Variants in PTPRQ observed in about 807,000 individuals in gnomAD.
PTPRQ encodes phosphatidylinositol phosphatase PTPRQ.
Under a neutral mutation model 246.0 loss-of-function variants are expected in PTPRQ, and 199 were observed. The observed-to-expected ratio is 0.81, with a 90% CI of 0.72 to 0.91. The LOEUF is 0.91. Ranked by LOEUF, PTPRQ falls within the 40% of genes least tolerant of loss-of-function variation. The probability of loss-of-function intolerance (pLI) is 0.00; values close to 1 mark genes in which losing one functional copy is unlikely to be tolerated. For synonymous variants in PTPRQ, 869 were observed against 853.2 expected, an observed-to-expected ratio of 1.02 and a Z score of -0.32; for missense variants, 2,624 against 2,528.4, an observed-to-expected ratio of 1.04 and a Z score of -0.81.
At chr12:80,649,739 T>C (rs758905049) in intron 37 of PTPRQ, 70 bp downstream of exon 37, 37 of 1,481,678 alleles carry the variant, frequency 2.5e-5, no homozygotes, top group Non-Finnish European at 3.1e-5. Context: ...TTCATGTCCA[T>C]TTTAAGCAAG....
At chr12:80,617,890 A>C (rs1554842) in intron 30 of PTPRQ, among the ~76,000 whole-genome samples, 52,357 of 151,102 alleles carry the variant, frequency 0.35, 9,639 homozygotes, top group African/African-American at 0.46. Context: ...GGGGACTCCC[A>C]AGTGGCCTGG....
chr12:80,505,747 A>T (rs909467126), intron 14 of PTPRQ, among the ~76,000 whole-genome samples: 1 of 151,918 alleles, frequency 6.6e-6, no homozygotes, highest in South Asian at 2.1e-4. Context: ...TCAGTGCAAG[A>T]TATGTTCCTA....
At chr12:80,503,040 A>G (rs376349122) in intron 14 of PTPRQ, among the ~76,000 whole-genome samples, 29 of 151,766 alleles carry the variant, frequency 1.9e-4, no homozygotes, top group Non-Finnish European at 3.2e-4. Context: ...ACGTGATGGT[A>G]TCTAATGGAA....
chr12:80,570,662 C>G (rs777968426), intron 25 of PTPRQ, among the ~76,000 whole-genome samples: 1 of 152,108 alleles, frequency 6.6e-6, no homozygotes, highest in Non-Finnish European at 1.5e-5. Context: ...TTTGCCCATG[C>G]CTATGTCCTG....
intron 3 of PTPRQ, among the ~76,000 whole-genome samples, chr12:80,455,714 C>T (rs1892958055): frequency 1.3e-5 from 2 of 152,022 alleles, no homozygotes; most frequent in Non-Finnish European, 2.9e-5. Context: ...CCTCAGCCTC[C>T]CAAATAGCTG....
intron 17 of PTPRQ, among the ~76,000 whole-genome samples, chr12:80,532,044 T>A (rs894817361): frequency 1.3e-5 from 2 of 152,152 alleles, no homozygotes; most frequent in Non-Finnish European, 2.9e-5. Flanking sequence ...CTGAGGCTTT[T>A]TTTTTACAGT....
At chr12:80,463,794 A>T (rs1893293948) in intron 6 of PTPRQ, among the ~76,000 whole-genome samples, 2 of 151,370 alleles carry the variant, frequency 1.3e-5, no homozygotes, top group Non-Finnish European at 2.9e-5. Flanking sequence ...GAGAAATAAA[A>T]TACTTTACAG....
Position 80,586,139 on chromosome 12 carries a change from G to A in PTPRQ, c.4286-1990G>A, listed in dbSNP as rs113987360. On this transcript the variant is annotated intron_variant, in intron 25 of 44. Coordinates refer to ENST00000644991, the MANE Select transcript of PTPRQ (RefSeq NM_001145026.2). ...TTTCTTAATCCAGTCTATCATTGTT[G>A]GACATTTGGGTTGGTTCCAAGTCTT... Among the ~76,000 whole-genome samples the A allele has an allele frequency of 6.0e-3, 904 of 151,856 alleles. 11 individuals carry two copies. The highest frequency in any genetic ancestry group is 0.02 in the African/African-American group (824 of 41,404).
intron 17 of PTPRQ, among the ~76,000 whole-genome samples, chr12:80,518,779 T>A (rs76204031): frequency 6.6e-6 from 1 of 152,232 alleles, no homozygotes; most frequent in East Asian, 1.9e-4. Context: ...CAAGAATGAG[T>A]TCATTGTAGG....
intron 10 of PTPRQ, among the ~76,000 whole-genome samples, chr12:80,494,664 A>C (rs112120575): frequency 6.6e-6 from 1 of 151,936 alleles, no homozygotes; most frequent in Non-Finnish European, 1.5e-5. Context: ...GTAATGTGTA[A>C]AAACTAACAA....
At chr12:80,564,955 T>TATACATAC (rs1896934628) in intron 25 of PTPRQ, among the ~76,000 whole-genome samples, 1 of 152,206 alleles carries the variant, frequency 6.6e-6, no homozygotes, top group Non-Finnish European at 1.5e-5. Flanking sequence ...AATGTGAGTA[T>TATACATAC]ATACATACTT....
chr12:80,605,212 G>A (rs1898272959), intron 27 of PTPRQ, 32 bp downstream of exon 27: 1 of 1,528,564 alleles, frequency 6.5e-7, no homozygotes, highest in South Asian at 1.3e-5. Flanking sequence ...GTAAAAGCCA[G>A]TATAAAATGG....
chr12:80,520,898 A>G (rs977278809), intron 17 of PTPRQ, among the ~76,000 whole-genome samples: 36 of 152,008 alleles, frequency 2.4e-4, no homozygotes, highest in African/African-American at 8.4e-4. Flanking sequence ...GCTGGGTCAA[A>G]TGGTATTTCT....
At chr12:80,563,666 GCTC>G (rs1320355721) in intron 25 of PTPRQ, among the ~76,000 whole-genome samples, 5 of 152,114 alleles carry the variant, frequency 3.3e-5, no homozygotes, top group African/African-American at 1.2e-4. Flanking sequence ...ATTTCTCCTT[GCTC>G]CTGGGTTAGC....
intron 38 of PTPRQ, among the ~76,000 whole-genome samples, chr12:80,655,571 GTCTCTCTC>G (rs146087588): frequency 1.4e-5 from 2 of 146,874 alleles, no homozygotes; most frequent in Non-Finnish European, 1.5e-5. Context: ...GGTTCTCTCT[GTCTCTCTC>G]TCTCTCTCTC....
chr12:80,505,672 A>G (rs911707756), intron 14 of PTPRQ, among the ~76,000 whole-genome samples: 8 of 151,870 alleles, frequency 5.3e-5, no homozygotes, highest in Non-Finnish European at 1.5e-5. Flanking sequence ...TCATATTATT[A>G]TTAATGAGAA....
intron 30 of PTPRQ, among the ~76,000 whole-genome samples, chr12:80,618,253 A>G (rs1412985922): frequency 6.6e-6 from 1 of 151,270 alleles, no homozygotes; most frequent in Non-Finnish European, 1.5e-5. Context: ...AAATAAAAAC[A>G]ATGTTGATAA....
intron 25 of PTPRQ, among the ~76,000 whole-genome samples, chr12:80,570,433 G>T (rs971048140): frequency 2.7e-5 from 4 of 149,890 alleles, no homozygotes; most frequent in Non-Finnish European, 3.0e-5. Context: ...GGGGTTGTTT[G>T]TTTTTTTTCT....
At chr12:80,584,513 A>AT (rs1317629378) in intron 25 of PTPRQ, among the ~76,000 whole-genome samples, 2 of 152,110 alleles carry the variant, frequency 1.3e-5, no homozygotes, top group Admixed American at 1.3e-4. Flanking sequence ...ATACTGTGAC[A>AT]TTTTTTATAG....
Sources: gnomAD v4.1 joint callset for allele counts (sites outside exome capture counted in the v4.1 genomes callset) on GRCh38, gnomAD v4.1.1 for gene constraint, MANE v1.5 for transcripts, NCBI Gene and HGNC (gene_info 2026-07-23, HGNC 2026-07-21) for gene names.